FAM81A: variants seen among roughly 807,000 people sequenced by gnomAD.
The protein encoded by FAM81A is family with sequence similarity 81 member A.
A neutral mutation model predicts 46.7 loss-of-function variants in FAM81A; 19 were observed. The observed-to-expected ratio is 0.41, with a 90% CI of 0.28 to 0.60. The LOEUF is 0.60. FAM81A is among the 20% of genes least tolerant of loss of function. The probability of loss-of-function intolerance (pLI) is 0.34; values close to 1 mark genes in which losing one functional copy is unlikely to be tolerated. For missense variants in FAM81A, 377 were observed against 453.5 expected (o/e 0.83, Z 1.53); for synonymous variants, 183 against 152.9 (o/e 1.20, Z -1.45).
chr15:59,470,752 G>A (rs560336929), intron 3 of FAM81A, among the ~76,000 whole-genome samples: 10 of 151,998 alleles, frequency 6.6e-5, no homozygotes, highest in South Asian at 2.1e-4. Context: ...GAAATCACCC[G>A]TCTTCTGCAT....
intron 4 of FAM81A, among the ~76,000 whole-genome samples, chr15:59,505,710 G>GTCTGAGTCTTGTATAA (rs2082142204): frequency 6.6e-6 from 1 of 152,108 alleles, no homozygotes; most frequent in Admixed American, 6.5e-5. Flanking sequence ...TTGTATAAAT[G>GTCTGAGTCTTGTATAA]ACTCTCACTG....
Position 59,458,635 on chromosome 15 carries a change from T to C in FAM81A, c.9T>C (p.Asn3=). The stretch of plus-strand genomic sequence containing the variant: ...AAGGAAAGGTATAATATATGGAAAA[T>C]ATGCATCTAAGGTATACTTTTCCTT... ME[N]MHLRRVRTMP... Residue 3 remains asparagine, a synonymous_variant, in exon 2 of 9, where the codon AAT becomes AAC. Transcript: ENST00000288228. 1 of 1,613,828 alleles carries C rather than the reference T, an allele frequency of 6.2e-7. No individual in the cohort carries two copies. Among genetic ancestry groups the C allele is most frequent in the Non-Finnish European group, 8.5e-7 (1 of 1,179,744 alleles).
At position 59,508,939 on chromosome 15, in the gene FAM81A, G is replaced by A. The variant is rs368149094; in HGVS notation, c.620G>A (p.Ser207Asn). The A allele has an allele frequency of 1.7e-5, 27 of 1,613,004 alleles. No homozygotes were observed. In the East Asian group the frequency reaches 4.5e-4, roughly 27 times the overall value. ...STKLKMSHRD[S>N]NHQLQLLDTK... ...AAACTGAAGATGTCTCACAGAGACA[G>A]TAACCACCAGCTTCAGCTTTTGGAC... is the stretch of plus-strand genomic sequence containing the variant. Residue 207 changes from serine (S) to asparagine (N), a missense_variant, in exon 6 of 9, where the codon AGT becomes AAT. Physicochemically the swap from Ser to Asn is conservative, Grantham distance 46. Transcript: ENST00000288228.
At chr15:59,439,440 T>C (rs1400308497) in intron 1 of FAM81A, among the ~76,000 whole-genome samples, 1 of 152,098 alleles carries the variant, frequency 6.6e-6, no homozygotes, top group Non-Finnish European at 1.5e-5. Context: ...ACTTATAATA[T>C]TTTTAGCGTT....
Position 59,460,091 on chromosome 15 carries a change from A to G in FAM81A, c.179A>G (p.Asn60Ser), listed in dbSNP as rs551305759. The G allele has an allele frequency of 8.1e-6, 13 of 1,614,042 alleles. No homozygotes were observed. Among genetic ancestry groups the G allele is most frequent in the African/African-American group, 8.0e-5 (6 of 75,062 alleles). Residue 60 changes from asparagine to serine, a missense_variant, in exon 3 of 9, where the codon AAC becomes AGC. Transcript: ENST00000288228. This position sits in a 1 kb window ranked among gnomAD's most constrained non-coding sequence, Gnocchi z 4.4. ...HAFRIKDDIV[N>S]SLQKMQNKGG... Reference sequence around the variant, plus strand: ...TTTCGGATTAAAGATGACATTGTCAACAGTTTGCAGAAAATGCAAAACAAA... The same window carrying G: ...TTTCGGATTAAAGATGACATTGTCAGCAGTTTGCAGAAAATGCAAAACAAA...
chr15:59,445,549 G>T (rs1351802058), intron 1 of FAM81A: 1 of 152,186 alleles, frequency 6.6e-6, no homozygotes, highest in Non-Finnish European at 1.5e-5. Context: ...ACGTAAAAGA[G>T]TAAAAGACTC....
rs75742362 is a variant in FAM81A, at chr15:59,517,431, A to T, written c.982+591A>T. Among the ~76,000 whole-genome samples, 261 of 152,318 alleles carry T rather than the reference A, an allele frequency of 1.7e-3. 7 individuals are homozygous for T. The East Asian group carries it at 0.045, about 26-fold the overall frequency. ...TTTTAACTCAATATGAGGCAGAAGT[A>T]CCTTGAAGTTAATGAGTCCTAAAAG... On this transcript the variant is annotated intron_variant, in intron 8 of 8. Coordinates refer to ENST00000288228, the MANE Select transcript of FAM81A (RefSeq NM_152450.3).
Position 59,523,535 on chromosome 15 carries a change from AAAAT to A in FAM81A, c.*2161_*2164del, listed in dbSNP as rs1177856704. ...TTACCAGAAATTTGCAATAAAAAGAAAAATAAAATTTTCACATAAATGTGGTGTA... is the reference window on the plus strand; with the variant it reads ...TTACCAGAAATTTGCAATAAAAAGAAAAAATTTTCACATAAATGTGGTGTA... On this transcript the variant is annotated 3_prime_UTR_variant, in exon 9 of 9. Transcript: ENST00000288228. 1.2e-4 allele frequency: 19 copies of A among 152,364 alleles called. No individual in the cohort carries two copies. The highest frequency in any genetic ancestry group is 6.5e-4 in the Admixed American group (10 of 15,304). The allele number at this position is 152,364 out of a possible 1,614,324, so 9.4% of individuals were successfully genotyped here. A position where few individuals can be genotyped will look rare whatever the true frequency, so the allele number is the denominator to read the frequency against.
rs145039228 is a variant in FAM81A at position 59,421,949 on chromosome 15, T to A, written c.-78+19591T>A. 3.4e-3 allele frequency among the ~76,000 whole-genome samples: 515 copies of A among 152,242 alleles called. 7 individuals are homozygous for A. In the Middle Eastern group the frequency reaches 0.034, roughly 10 times the overall value. Reference sequence around the variant, plus strand: ...ATCTGTCACCTATTTATATCCACTTTAATTTGATATTTTTGACCAGGAAAG... The same window carrying A: ...ATCTGTCACCTATTTATATCCACTTAAATTTGATATTTTTGACCAGGAAAG... On this transcript the variant is annotated intron_variant, in intron 2 of 4. Transcript: ENST00000558348.
intron 2 of FAM81A, among the ~76,000 whole-genome samples, chr15:59,404,326 C>G: frequency 6.6e-6 from 1 of 152,162 alleles, no homozygotes; most frequent in Non-Finnish European, 1.5e-5. Flanking sequence ...AGACCCATCT[C>G]CTCATTCCAG....
At chr15:59,444,404 C>T (rs1173732524) in intron 1 of FAM81A, 5 of 152,152 alleles carry the variant, frequency 3.3e-5, no homozygotes, top group African/African-American at 9.7e-5. Flanking sequence ...TGATTCTTCC[C>T]TGATGACATC....
upstream of FAM81A, among the ~76,000 whole-genome samples, chr15:59,435,391 C>T (rs552999042): frequency 9.2e-5 from 14 of 152,086 alleles, no homozygotes; most frequent in South Asian, 8.3e-4. Context: ...ATGCCGAGGC[C>T]GGCGGATCAC....
chr15:59,514,365 A>C lies in FAM81A; in HGVS notation c.727A>C (p.Ile243Leu). 2 of 1,613,904 alleles carry C rather than the reference A, an allele frequency of 1.2e-6. No individual in the cohort carries two copies. The highest frequency in any genetic ancestry group is 8.5e-7 in the Non-Finnish European group (1 of 1,179,832). Residue 243 changes from isoleucine to leucine, a missense_variant, in exon 7 of 9, where the codon ATA becomes CTA. Transcript: ENST00000288228. ...RSWLQQEQER[I>L]EKELLQKIDQ... ...TTGGTTGCAACAGGAACAAGAACGG[A>C]TAGAAAAAGAGCTTTTACAGAAAAT... is the stretch of plus-strand genomic sequence containing the variant.
At chr15:59,506,499 T>C (rs1473863584) in intron 4 of FAM81A, among the ~76,000 whole-genome samples, 2 of 152,230 alleles carry the variant, frequency 1.3e-5, no homozygotes, top group African/African-American at 4.8e-5. Flanking sequence ...AGTCACCTAA[T>C]GGCATTCTGT....
At chr15:59,471,606 C>T (rs891532796) in intron 3 of FAM81A, among the ~76,000 whole-genome samples, 1 of 151,190 alleles carries the variant, frequency 6.6e-6, no homozygotes, top group East Asian at 1.9e-4. Context: ...GGACTACAGA[C>T]ACATGCTACC....
At chr15:59,426,506 G>A (rs1017935538) in intron 2 of FAM81A, among the ~76,000 whole-genome samples, 13 of 152,336 alleles carry the variant, frequency 8.5e-5, no homozygotes, top group Admixed American at 6.5e-4. Context: ...CCAGCTACTG[G>A]GAGGCTGAGG....
At chr15:59,421,790 T>TCTAC (rs1177514341) in intron 2 of FAM81A, among the ~76,000 whole-genome samples, 105 of 143,470 alleles carry the variant, frequency 7.3e-4, no homozygotes, top group African/African-American at 2.0e-3. Context: ...TATCTATCTA[T>TCTAC]CTACCTACCT....
chr15:59,412,548 A>C (rs563388523), intron 2 of FAM81A, among the ~76,000 whole-genome samples: 1 of 152,202 alleles, frequency 6.6e-6, no homozygotes, highest in South Asian at 2.1e-4. Context: ...CAACATGGCG[A>C]AACCCTATCT....
chr15:59,458,474 C>A (rs1419709538), intron 1 of FAM81A, 76 bp from the exon 2 acceptor site: 5 of 947,374 alleles, frequency 5.3e-6, no homozygotes, highest in Admixed American at 2.6e-5. Context: ...ATCCACTTAG[C>A]AACTTAATAA....
Sources: gnomAD v4.1 joint callset for allele counts (sites outside exome capture counted in the v4.1 genomes callset) on GRCh38, gnomAD v4.1.1 for gene constraint, Gnocchi (gnomAD v3.1) non-coding constraint, MANE v1.5 for transcripts, NCBI Gene and HGNC (gene_info 2026-07-23, HGNC 2026-07-21) for gene names.